The following N4BP3 variants were observed in gnomAD, a reference collection of about 807,000 sequenced individuals.
N4BP3 encodes the protein NEDD4 binding protein 3.
N4BP3 carries 33 observed loss-of-function variants against 43.8 expected under a neutral mutation model. That is an observed-to-expected ratio of 0.75 (90% CI 0.57 to 1.01). The LOEUF is 1.01. Among genes scored for constraint, N4BP3 ranks in the 50% least tolerant of loss-of-function variants. The pLI, the probability that N4BP3 is intolerant of heterozygous loss-of-function variation, is 0.00. For missense variants in N4BP3, 756 were observed against 744.2 expected (o/e 1.02, Z -0.18); for synonymous variants, 326 against 321.9 (o/e 1.01, Z -0.14).
rs1312215286 is a variant in N4BP3, at chr5:178,119,807, C to A, written c.224C>A (p.Ala75Asp). ...DSKSTKNTKR[A>D]PRNEPADYAT... Reference sequence around the variant, plus strand: ...AAGAGCACCAAGAACACCAAGCGGGCCCCTCGGAACGAGCCTGCCGACTAT... The same window carrying A: ...AAGAGCACCAAGAACACCAAGCGGGACCCTCGGAACGAGCCTGCCGACTAT... Residue 75 changes from alanine to aspartate, a missense_variant, in exon 2 of 5, where the codon GCC becomes GAC. Physicochemically the swap from Ala to Asp is moderately radical, Grantham distance 126 (BLOSUM62 -2). Transcript: ENST00000274605. 6.2e-7 allele frequency: 1 copy of A among 1,613,418 alleles called. No homozygotes were observed. Among genetic ancestry groups the A allele is most frequent in the South Asian group, 1.1e-5 (1 of 91,090 alleles).
At position 178,120,254 on chromosome 5, in the gene N4BP3, C is replaced by T; in HGVS notation, c.407C>T (p.Ser136Phe). 1.9e-6 allele frequency: 3 copies of T among 1,608,410 alleles called. No individual in the cohort carries two copies. The highest frequency in any genetic ancestry group is 2.5e-6 in the Non-Finnish European group (3 of 1,176,566). ...KGFLSMQSLA[S>F]HKGQKLWRSN... ...TTCCTATCCATGCAAAGTCTGGCGT[C>T]CCACAAAGGCCAGAAGCTGTGGCGC... Residue 136 changes from serine (S) to phenylalanine (F), a missense_variant, in exon 3 of 5, where the codon TCC becomes TTC. By Grantham distance (155) the Ser-to-Phe change is radical (BLOSUM62 -2). Transcript: ENST00000274605.
chr5:178,120,405 C>CG lies in N4BP3; in HGVS notation c.558_559insG (p.Ser187GlufsTer10). On this transcript the variant is annotated frameshift_variant, in exon 3 of 5. Transcript: ENST00000274605. LOFTEE classifies it high-confidence loss of function. ...ATGAGGGCGGCCCTGAGCCCGAGCC[C>CG]AGCCTGTCCGACTCCTCCAGTGGGG... 1 of 1,612,952 alleles carries CG rather than the reference C, an allele frequency of 6.2e-7. No homozygotes were observed.
chr5:178,120,106 A>G, intron 2 of N4BP3, 72 bp from the exon 3 acceptor site: 1 of 1,514,222 alleles, frequency 6.6e-7, no homozygotes, highest in Non-Finnish European at 8.8e-7. Flanking sequence ...AGGGGCTGTG[A>G]GAGCATCAGG....
chr5:178,115,387 G>A (rs529262571), intron 1 of N4BP3, among the ~76,000 whole-genome samples: 104 of 152,184 alleles, frequency 6.8e-4, no homozygotes, highest in Non-Finnish European at 1.0e-3. Context: ...TTCCTTAGGG[G>A]CAGCTGCAGA....
At chr5:178,119,238 C>A (rs764426797) in intron 1 of N4BP3, among the ~76,000 whole-genome samples, 1 of 152,226 alleles carries the variant, frequency 6.6e-6, no homozygotes, top group Non-Finnish European at 1.5e-5. Flanking sequence ...CCAGGCCTAT[C>A]CCCTCCCGGT....
rs1757897190 is a variant in N4BP3, at chr5:178,120,624, A to G, written c.777A>G (p.Gly259=). ...CCTGCTCCTCTGCCGAGGAAATGGG[A>G]GCCGTGCTGCCCGAGACCTGTGAGG... ...EFSCSSAEEM[G]AVLPETCEEL... is the part of the protein sequence containing the mutation. The change falls in exon 3 of 5, where the codon GGA becomes GGG. Residue 259 remains glycine, a synonymous_variant. Transcript: ENST00000274605. 1.9e-6 allele frequency: 3 copies of G among 1,609,774 alleles called. No individual in the cohort carries two copies. Among genetic ancestry groups the G allele is most frequent in the Non-Finnish European group, 2.5e-6 (3 of 1,179,948 alleles).
rs558870722 is a variant in N4BP3 at position 178,124,005 on chromosome 5, C to G, written c.*2004C>G. On this transcript the variant is annotated 3_prime_UTR_variant, in exon 5 of 5. Coordinates refer to ENST00000274605, the MANE Select transcript of N4BP3 (RefSeq NM_015111.2). ...CTACACACCCCCTTGGTACCCATTC[C>G]CATTTCACAAACTCCTCCAAACCCC... The G allele has an allele frequency of 1.3e-5, 2 of 152,848 alleles. No individual in the cohort carries two copies. The highest frequency in any genetic ancestry group is 2.9e-5 in the Non-Finnish European group (2 of 68,142). 9.5% of individuals were successfully genotyped at this position (152,848 alleles called of 1,614,324 possible).
Position 178,121,088 on chromosome 5 carries a change from C to T in N4BP3, c.853-10C>T. 6.3e-7 allele frequency: 1 copy of T among 1,595,664 alleles called. No homozygotes were observed. Among genetic ancestry groups the T allele is most frequent in the Non-Finnish European group, 8.5e-7 (1 of 1,178,692 alleles). On this transcript the variant is annotated splice_polypyrimidine_tract_variant and intron_variant, in intron 3 of 4. Coordinates refer to ENST00000274605, the MANE Select transcript of N4BP3 (RefSeq NM_015111.2). ...AGGGCCACGGTGGATGCATCTCTTC[C>T]CCTTGACAGGTGCTGGAGGAGCGCC...
Position 178,121,989 on chromosome 5 carries a change from C to T in N4BP3, c.1623C>T (p.Ser541=), listed in dbSNP as rs1757943502. 2.5e-6 allele frequency: 4 copies of T among 1,594,644 alleles called. No homozygotes were observed. The African/African-American group carries it at 5.4e-5, about 21-fold the overall frequency. ...CACCCTGGAGTCCCCGGCTCGAGTCCTCCAAGATCTGAGGCCAGCAGAGCG... is the reference window on the plus strand; with the variant it reads ...CACCCTGGAGTCCCCGGCTCGAGTCTTCCAAGATCTGAGGCCAGCAGAGCG... ...PPTPWSPRLE[S]SKI Residue 541 remains serine (S), a synonymous_variant, in exon 5 of 5, where the codon TCC becomes TCT. Coordinates refer to ENST00000274605, the MANE Select transcript of N4BP3 (RefSeq NM_015111.2).
rs772432571 is a variant in N4BP3, at chr5:178,121,144, T to C, written c.899T>C (p.Leu300Pro). 5.6e-6 allele frequency: 9 copies of C among 1,599,936 alleles called. No homozygotes were observed. In the Admixed American group the frequency reaches 1.2e-4, roughly 21 times the overall value. ...CTGTGGCTGGCTGAGCTGAAGCGCC[T>C]GTATGTGGAGCGGCTGCACGAGGTG... is the stretch of plus-strand genomic sequence containing the variant. The part of the protein sequence containing the change: ...QRLWLAELKR[L>P]YVERLHEVTQ... Residue 300 changes from leucine to proline, a missense_variant, in exon 4 of 5, where the codon CTG becomes CCG. Leu to Pro is a moderately conservative substitution (Grantham distance 98). Transcript: ENST00000274605.
Position 178,122,030 on chromosome 5 carries a change from C to T in N4BP3, c.*29C>T. ...CAGCAGAGCGAGCTGACAGCAGCAACACTGTCAGAAGGTGCCCTGAGACGG... is the reference window on the plus strand; with the variant it reads ...CAGCAGAGCGAGCTGACAGCAGCAATACTGTCAGAAGGTGCCCTGAGACGG... On this transcript the variant is annotated 3_prime_UTR_variant, in exon 5 of 5. Transcript: ENST00000274605. The T allele has an allele frequency of 1.3e-6, 2 of 1,557,614 alleles. No individual in the cohort carries two copies. Among genetic ancestry groups the T allele is most frequent in the Non-Finnish European group, 1.7e-6 (2 of 1,153,508 alleles).
Position 178,120,442 on chromosome 5 carries a change from C to T in N4BP3, c.595C>T (p.Arg199Cys), listed in dbSNP as rs374161919. ...SDSSSGGSFG[R>C]SPGTGPSPFS... Reference sequence around the variant, plus strand: ...CTCCTCCAGTGGGGGTAGTTTTGGTCGCAGTCCTGGTACTGGCCCTAGCCC... The same window carrying T: ...CTCCTCCAGTGGGGGTAGTTTTGGTTGCAGTCCTGGTACTGGCCCTAGCCC... Residue 199 changes from arginine (R) to cysteine (C), a missense_variant, in exon 3 of 5, where the codon CGC becomes TGC. Physicochemically the swap from Arg to Cys is radical, Grantham distance 180. Transcript: ENST00000274605. The T allele has an allele frequency of 1.2e-5, 20 of 1,613,016 alleles. No homozygotes were observed. The South Asian group carries it at 2.0e-4, about 16-fold the overall frequency.
intron 2 of N4BP3, 21 bp from the exon 3 acceptor site, chr5:178,120,148 CCTGCCCTCT>C (rs768219345): frequency 5.8e-6 from 9 of 1,539,358 alleles, no homozygotes; most frequent in Non-Finnish European, 7.0e-6. Context: ...AGGTCTCACA[CCTGCCCTCT>C]CTGCCCTCTC....
rs748515926 is a variant in N4BP3 at position 178,121,113 on chromosome 5, C to T, written c.868C>T (p.Gln290Ter). 1 of 1,598,822 alleles carries T rather than the reference C, an allele frequency of 6.3e-7. No homozygotes were observed. The highest frequency in any genetic ancestry group is 1.1e-5 in the South Asian group (1 of 90,822). Residue 290 changes from glutamine to a stop codon, truncating the protein, a stop_gained, in exon 4 of 5, where the codon CAG becomes TAG. Coordinates refer to ENST00000274605, the MANE Select transcript of N4BP3 (RefSeq NM_015111.2). LOFTEE classifies it high-confidence loss of function. ...NPFTQVLEER[Q>*]RLWLAELKRL... is the part of the protein sequence containing the mutation. ...CCCTTGACAGGTGCTGGAGGAGCGC[C>T]AGCGGCTGTGGCTGGCTGAGCTGAA...
In N4BP3 at chr5:178,119,821, C is replaced by G. The variant is rs1459783738; in HGVS notation, c.238C>G (p.Pro80Ala). Reference protein sequence around the residue: ...KNTKRAPRNEPADYATLYYRE... With the variant: ...KNTKRAPRNEAADYATLYYRE... ...CACCAAGCGGGCCCCTCGGAACGAG[C>G]CTGCCGACTATGCCACCCTCTACTA... Residue 80 changes from proline to alanine, a missense_variant, in exon 2 of 5, where the codon CCT becomes GCT. Coordinates refer to ENST00000274605, the MANE Select transcript of N4BP3 (RefSeq NM_015111.2). 6.2e-7 allele frequency: 1 copy of G among 1,613,328 alleles called. No individual in the cohort carries two copies. Among genetic ancestry groups the G allele is most frequent in the South Asian group, 1.1e-5 (1 of 91,084 alleles).
Position 178,118,863 on chromosome 5 carries a change from TTTTC to T in N4BP3, c.-30-687_-30-684del. Among the ~76,000 whole-genome samples, 1 of 150,170 alleles carries T rather than the reference TTTTC, an allele frequency of 6.7e-6. No homozygotes were observed. Among genetic ancestry groups the T allele is most frequent in the Non-Finnish European group, 1.5e-5 (1 of 67,478 alleles). On this transcript the variant is annotated intron_variant, in intron 1 of 4. Transcript: ENST00000274605. The surrounding 1 kb of genome is among the most constrained non-coding windows in gnomAD (Gnocchi z 5.4). ...CAAGGTCAGGTTCAGCCAGGCTGAG[TTTTC>T]TTTTTTTTTTTTTTTTGAGATGGAG... is the stretch of plus-strand genomic sequence containing the variant.
At chr5:178,114,941 G>A (rs1377739786) in intron 1 of N4BP3, among the ~76,000 whole-genome samples, 1 of 152,198 alleles carries the variant, frequency 6.6e-6, no homozygotes, top group East Asian at 1.9e-4. Flanking sequence ...TACATACACA[G>A]CAGTGTGTGC....
chr5:178,119,576 G>A lies in N4BP3; in HGVS notation c.-8G>A. Reference sequence around the variant, plus strand: ...CAGAAGCAGCTGCCTGTACCCTGTTGAAACTTCATGGCCACAGCCCCAGGC... The same window carrying A: ...CAGAAGCAGCTGCCTGTACCCTGTTAAAACTTCATGGCCACAGCCCCAGGC... On this transcript the variant is annotated 5_prime_UTR_variant, in exon 2 of 5. An upstream open reading frame in the 5' UTR loses its in-frame stop. Coordinates refer to ENST00000274605, the MANE Select transcript of N4BP3 (RefSeq NM_015111.2). The A allele has an allele frequency of 6.6e-7, 1 of 1,524,972 alleles. No homozygotes were observed. Among genetic ancestry groups the A allele is most frequent in the Non-Finnish European group, 8.8e-7 (1 of 1,137,618 alleles). 94.5% of individuals were successfully genotyped at this position (1,524,972 alleles called of 1,614,324 possible). A position where few individuals can be genotyped will look rare whatever the true frequency, so the allele number is the denominator to read the frequency against.
At chr5:178,119,253 C>G (rs1341773713) in intron 1 of N4BP3, among the ~76,000 whole-genome samples, 2 of 152,216 alleles carry the variant, frequency 1.3e-5, no homozygotes, top group East Asian at 3.9e-4. Flanking sequence ...CCCGGTACTT[C>G]TGAATCCCAC....
Sources: allele counts gnomAD v4.1 joint callset (sites outside exome capture counted in the v4.1 genomes callset), GRCh38; gene constraint gnomAD v4.1.1; non-coding constraint Gnocchi (gnomAD v3.1); transcripts MANE v1.5; gene names NCBI Gene and HGNC (gene_info 2026-07-23, HGNC 2026-07-21).